HINT2: variants seen among roughly 807,000 people sequenced by gnomAD.
HINT2 encodes adenosine 5'-monophosphoramidase HINT2.
In HINT2, 17 loss-of-function variants were observed where a neutral mutation model predicts 20.0. That is an observed-to-expected ratio of 0.85 (90% CI 0.58 to 1.27). HINT2 has a LOEUF of 1.27. Ranked by LOEUF, HINT2 falls within the 50% of genes most tolerant of loss-of-function variation. The pLI is 0.00. For synonymous variants in HINT2, 96 were observed against 84.2 expected (o/e 1.14, Z -0.77); for missense variants, 217 against 211.9 (o/e 1.02, Z -0.15).
chr9:35,815,310 T>G, upstream of HINT2: 1 of 272,882 alleles, frequency 3.7e-6, no homozygotes, highest in Non-Finnish European at 6.9e-6. Flanking sequence ...TTGGAAGGAT[T>G]AATGGAGCCT....
intron 1 of HINT2, chr9:35,814,033 T>C: frequency 2.1e-6 from 1 of 483,772 alleles, no homozygotes; most frequent in East Asian, 3.6e-5. Flanking sequence ...TATAGCACTG[T>C]TTAGGGAAAG....
At position 35,814,928 on chromosome 9, in the gene HINT2, C is replaced by G. The variant is rs1410693278; in HGVS notation, c.52G>C (p.Val18Leu). 6.7e-7 allele frequency: 1 copy of G among 1,486,370 alleles called. No homozygotes were observed. The highest frequency in any genetic ancestry group is 8.9e-7 in the Non-Finnish European group (1 of 1,125,886). 92.1% of individuals were successfully genotyped at this position (1,486,370 alleles called of 1,614,324 possible). ...AAGLRAARRAVAATGVRGGQV... is the reference protein window; with the variant it reads ...AAGLRAARRALAATGVRGGQV... ...CCCCCGCGCACCCCCGTGGCCGCCA[C>G]GGCTCTGCGCGCCGCGCGCAACCCA... The change falls in exon 1 of 5, where the codon GTG (valine) becomes CTG (leucine). Residue 18 changes from valine (V) to leucine (L), a missense_variant. Physicochemically the swap from Val to Leu is conservative, Grantham distance 32. Transcript: ENST00000259667.
intron 1 of HINT2, chr9:35,814,081 C>A: frequency 3.0e-6 from 1 of 335,670 alleles, no homozygotes; most frequent in Non-Finnish European, 5.5e-6. Context: ...GGTCTCAGTT[C>A]CTACCTTACC....
In HINT2 at chr9:35,813,639, C is replaced by G. The variant is rs770414490; in HGVS notation, c.222+5G>C. 1.4e-5 allele frequency: 23 copies of G among 1,614,028 alleles called. No homozygotes were observed. The East Asian group carries it at 3.6e-4, about 25-fold the overall frequency. On this transcript the variant is annotated splice_donor_5th_base_variant and intron_variant, in intron 2 of 4. Coordinates refer to ENST00000259667, the MANE Select transcript of HINT2 (RefSeq NM_032593.3). ...CTAAGGGGATAGGTCCTAAGAGCAC[C>G]CCACCTGCTGGTCCTCATAGAGAAT... is the stretch of plus-strand genomic sequence containing the variant.
chr9:35,813,926 G>A (rs1475534919), intron 1 of HINT2, 142 bp from the exon 2 acceptor site: 25 of 909,902 alleles, frequency 2.7e-5, no homozygotes, highest in Non-Finnish European at 3.9e-5. Context: ...CAGCAGCAAA[G>A]GGTAGGGCCA....
intron 1 of HINT2, 30 bp downstream of exon 1, chr9:35,814,868 AC>A (rs1232028208): frequency 2.0e-6 from 3 of 1,471,022 alleles, no homozygotes; most frequent in Non-Finnish European, 1.8e-6. Flanking sequence ...AGCCCGCAGG[AC>A]CCCCTACTCG....
In HINT2 at chr9:35,813,317, C is replaced by T. The variant is rs1828901999; in HGVS notation, c.349G>A (p.Val117Met). The T allele has an allele frequency of 6.2e-7, 1 of 1,614,168 alleles. No individual in the cohort carries two copies. Among genetic ancestry groups the T allele is most frequent in the South Asian group, 1.1e-5 (1 of 91,084 alleles). Residue 117 changes from valine (V) to methionine (M), a missense_variant, in exon 4 of 5, where the codon GTG (valine) becomes ATG (methionine). Val to Met is a conservative substitution (Grantham distance 21, BLOSUM62 1). Transcript: ENST00000259667. ...TCAGCCTTTGCTGTCTGCTTGGCCA[C>T]AAGGAGTAGGTGTCCTAGAAGCTAT... ...DQQLLGHLLL[V>M]AKQTAKAEGL...
chr9:35,815,052 G>A, upstream of HINT2: 2 of 1,300,804 alleles, frequency 1.5e-6, no homozygotes, highest in South Asian at 1.8e-5. Flanking sequence ...TGGGGACTCC[G>A]GGCGCGGGGA....
chr9:35,813,475 C>G lies in HINT2; in HGVS notation c.297G>C (p.Arg99=). 6.2e-7 allele frequency: 1 copy of G among 1,614,102 alleles called. No homozygotes were observed. The highest frequency in any genetic ancestry group is 8.5e-7 in the Non-Finnish European group (1 of 1,180,026). Residue 99 remains arginine, a synonymous_variant, in exon 3 of 5, where the codon CGG becomes CGC. Transcript: ENST00000259667. ...FLVIPKKPIP[R]ISQAEEEDQQ... is the part of the protein sequence containing the mutation. The stretch of plus-strand genomic sequence containing the variant: ...GGTCTTCTTCTTCAGCCTGGCTAAT[C>G]CGAGGAATGGGCTTCTTAGGAATGA...
intron 2 of HINT2, 25 bp from the exon 3 acceptor site, chr9:35,813,574 C>T (rs1032896415): frequency 6.2e-7 from 1 of 1,613,762 alleles, no homozygotes; most frequent in Non-Finnish European, 8.5e-7. Flanking sequence ...AGGCCAGAGG[C>T]CACGTTACTT....
chr9:35,813,942 T>C (rs1828939334), intron 1 of HINT2, 158 bp from the exon 2 acceptor site: 2 of 740,060 alleles, frequency 2.7e-6, no homozygotes, highest in Non-Finnish European at 4.3e-6. Flanking sequence ...GGCCAGAAGG[T>C]GCTGGACCTG....
rs753700264 is a variant in HINT2, at chr9:35,813,769, C to G, written c.97G>C (p.Gly33Arg). The G allele has an allele frequency of 6.2e-7, 1 of 1,613,124 alleles. No homozygotes were observed. Among genetic ancestry groups the G allele is most frequent in the Non-Finnish European group, 8.5e-7 (1 of 1,179,540 alleles). The change falls in exon 2 of 5, where the codon GGT becomes CGT. Residue 33 changes from glycine to arginine, a missense_variant. By Grantham distance (125) the Gly-to-Arg change is moderately radical. Transcript: ENST00000259667. ...VRGGQVRGAA[G>R]VTDGNEVAKA... ...GCCACTTCATTCCCATCAGTCACAC[C>G]TGCAGCTCCTCGGACCTGAAGGTGG... is the stretch of plus-strand genomic sequence containing the variant.
At position 35,813,649 on chromosome 9, in the gene HINT2, G is replaced by A. The variant is rs1243039706; in HGVS notation, c.217C>T (p.Gln73Ter). ...AGGTCCTAAGAGCACCCCACCTGCT[G>A]GTCCTCATAGAGAATGTCAGCTGGG... ...SLPADILYED[Q>*]QCLVFRDVAP... is the part of the protein sequence containing the mutation. The change falls in exon 2 of 5, where the codon CAG becomes TAG. Residue 73 changes from glutamine (Q) to a stop codon, truncating the protein, a stop_gained. Transcript: ENST00000259667. LOFTEE classifies it high-confidence loss of function. 6.2e-6 allele frequency: 10 copies of A among 1,614,208 alleles called. No homozygotes were observed. Among genetic ancestry groups the A allele is most frequent in the East Asian group, 4.5e-5 (2 of 44,884 alleles).
rs1001567843 is a variant in HINT2, at chr9:35,813,021, CAG to C, written c.*31_*32del. 3.9e-6 allele frequency: 6 copies of C among 1,546,886 alleles called. No homozygotes were observed. The highest frequency in any genetic ancestry group is 1.4e-5 in the African/African-American group (1 of 73,482). On this transcript the variant is annotated 3_prime_UTR_variant, in exon 5 of 5. Transcript: ENST00000259667. ...ATTTTTCCCTTTCCATCCAAGCATC[CAG>C]AGTCTGGTGTCCTTTAATCAGTTGG...
At chr9:35,814,841 GC>G in intron 1 of HINT2, 57 bp downstream of exon 1, 1 of 1,408,086 alleles carries the variant, frequency 7.1e-7, no homozygotes. Context: ...GGACCCCCTG[GC>G]CCCGGATGGC....
chr9:35,814,521 AAG>A (rs1390783857), intron 1 of HINT2: 2 of 200,648 alleles, frequency 1.0e-5, no homozygotes, highest in African/African-American at 2.3e-5. Context: ...GCAAGTGCAG[AAG>A]AGAGGTTAAC....
chr9:35,814,843 C>G, intron 1 of HINT2, 56 bp downstream of exon 1: 2 of 1,421,772 alleles, frequency 1.4e-6, no homozygotes, highest in Non-Finnish European at 1.9e-6. Flanking sequence ...ACCCCCTGGC[C>G]CCGGATGGCT....
In HINT2 at chr9:35,814,922, C is replaced by G; in HGVS notation, c.58G>C (p.Ala20Pro). 2 of 1,486,944 alleles carry G rather than the reference C, an allele frequency of 1.3e-6. No homozygotes were observed. Among genetic ancestry groups the G allele is most frequent in the Non-Finnish European group, 1.8e-6 (2 of 1,126,182 alleles). The allele number at this position is 1,486,944 out of a possible 1,614,324, so 92.1% of individuals were successfully genotyped here. The stretch of plus-strand genomic sequence containing the variant: ...ACCTGCCCCCCGCGCACCCCCGTGG[C>G]CGCCACGGCTCTGCGCGCCGCGCGC... ...GLRAARRAVA[A>P]TGVRGGQVRG... Residue 20 changes from alanine (A) to proline (P), a missense_variant, in exon 1 of 5, where the codon GCC becomes CCC. By Grantham distance (27) the Ala-to-Pro change is conservative. Coordinates refer to ENST00000259667, the MANE Select transcript of HINT2 (RefSeq NM_032593.3).
Position 35,814,901 on chromosome 9 carries a change from GC to G in HINT2, c.78del (p.Gln27ArgfsTer8), listed in dbSNP as rs768013756. On this transcript the variant is annotated frameshift_variant, in exon 1 of 5. Transcript: ENST00000259667. LOFTEE classifies it high-confidence loss of function. ...CTCGCTCCCGCGCCACTTCTCACCT[GC>G]CCCCCGCGCACCCCCGTGGCCGCCA... ...RAVAATGVRG[G>X]QVRGAAGVTD... 11 of 1,487,594 alleles carry G rather than the reference GC, an allele frequency of 7.4e-6. No individual in the cohort carries two copies. The South Asian group carries it at 1.3e-4, about 17-fold the overall frequency. 92.1% of individuals were successfully genotyped at this position (1,487,594 alleles called of 1,614,324 possible). A position where few individuals can be genotyped will look rare whatever the true frequency, so the allele number is the denominator to read the frequency against.
Sources: allele counts gnomAD v4.1 joint callset, GRCh38; gene constraint gnomAD v4.1.1; transcripts MANE v1.5; gene names NCBI Gene and HGNC (gene_info 2026-07-23, HGNC 2026-07-21).